The following LINGO2 variants were observed in gnomAD, a reference collection of about 807,000 sequenced individuals.
LINGO2 encodes leucine-rich repeat and immunoglobulin-like domain-containing nogo receptor-interacting protein 2.
A neutral mutation model predicts 30.6 loss-of-function variants in LINGO2; 14 were observed. That is an observed-to-expected ratio of 0.46 (90% CI 0.30 to 0.72). The LOEUF is 0.72. LINGO2 is among the 30% of genes least tolerant of loss of function. LINGO2 has a pLI of 0.07. For missense variants in LINGO2, 729 were observed against 751.7 expected (o/e 0.97, Z 0.35); for synonymous variants, 317 against 288.5 (o/e 1.10, Z -1.00).
chr9:28,418,003 T>C (rs894859126), intron 2 of LINGO2, among the ~76,000 whole-genome samples: 3 of 152,166 alleles, frequency 2.0e-5, no homozygotes, highest in African/African-American at 7.2e-5. Context: ...TTCTTAGACT[T>C]GAAGCACTAA....
At chr9:28,645,938 T>C (rs2135952573) in intron 1 of LINGO2, among the ~76,000 whole-genome samples, 1 of 152,250 alleles carries the variant, frequency 6.6e-6, no homozygotes, top group Non-Finnish European at 1.5e-5. Flanking sequence ...GGTCTCTTAC[T>C]TACTGAGTTT....
chr9:28,807,106 G>C, the LINGO2 span, among the ~76,000 whole-genome samples: 1 of 151,956 alleles, frequency 6.6e-6, no homozygotes, highest in Non-Finnish European at 1.5e-5. Context: ...CTCACTGCAA[G>C]CTCCGCCTCC....
the LINGO2 span, chr9:27,942,984 G>A: frequency 1.3e-5 from 2 of 152,132 alleles, no homozygotes; most frequent in African/African-American, 4.8e-5. Flanking sequence ...TCTATGCAAA[G>A]TTTGTTCATG....
the LINGO2 span, among the ~76,000 whole-genome samples, chr9:28,875,177 T>A: frequency 6.6e-6 from 1 of 152,124 alleles, no homozygotes; most frequent in Non-Finnish European, 1.5e-5. Context: ...TTTGAAAAAC[T>A]TCAAATCTAC....
intron 1 of LINGO2, among the ~76,000 whole-genome samples, chr9:28,516,333 T>G (rs981546166): frequency 6.6e-6 from 1 of 152,226 alleles, no homozygotes; most frequent in South Asian, 2.1e-4. Flanking sequence ...TACTTCACTC[T>G]CTTTACAGAG....
intron 1 of LINGO2, among the ~76,000 whole-genome samples, chr9:28,486,936 A>T (rs1206202423): frequency 6.6e-6 from 1 of 152,038 alleles, no homozygotes; most frequent in Non-Finnish European, 1.5e-5. Flanking sequence ...AAGAGAAAAA[A>T]CATTTAAGAG....
intron 4 of LINGO2, among the ~76,000 whole-genome samples, chr9:28,162,910 G>A (rs1361266927): frequency 2.0e-5 from 3 of 152,122 alleles, no homozygotes; most frequent in Non-Finnish European, 4.4e-5. Context: ...TGAAATGCTT[G>A]AGCAAAGGAG....
chr9:28,162,512 G>A (rs1300088852), intron 4 of LINGO2, among the ~76,000 whole-genome samples: 1 of 152,114 alleles, frequency 6.6e-6, no homozygotes, highest in Admixed American at 6.5e-5. Flanking sequence ...GAATCATATG[G>A]TGTCAAGAGG....
At chr9:29,125,905 T>A in the LINGO2 span, among the ~76,000 whole-genome samples, 7 of 152,248 alleles carry the variant, frequency 4.6e-5, no homozygotes, top group Admixed American at 6.6e-5. Context: ...TACTTATAAC[T>A]AATCAAGCAA....
At chr9:28,748,679 G>C in the LINGO2 span, among the ~76,000 whole-genome samples, 1 of 151,998 alleles carries the variant, frequency 6.6e-6, no homozygotes, top group Non-Finnish European at 1.5e-5. Context: ...GTTTGTTGTT[G>C]TTGTTCTTGT....
intron 1 of LINGO2, among the ~76,000 whole-genome samples, chr9:28,517,255 CCTT>C (rs1424256109): frequency 1.3e-5 from 2 of 152,150 alleles, no homozygotes; most frequent in East Asian, 1.9e-4. Context: ...AGCTGCCACT[CCTT>C]CTAAAAGAGC....
At chr9:28,704,499 T>C in the LINGO2 span, among the ~76,000 whole-genome samples, 14 of 152,176 alleles carry the variant, frequency 9.2e-5, no homozygotes, top group African/African-American at 3.1e-4. Context: ...CTGAGTCATA[T>C]TGCTTCTAAG....
chr9:28,284,071 T>C (rs1823421433), intron 4 of LINGO2, among the ~76,000 whole-genome samples: 1 of 152,164 alleles, frequency 6.6e-6, no homozygotes. Context: ...GGCATGACTC[T>C]GCTTGGCTTT....
At chr9:28,817,393 A>G in the LINGO2 span, among the ~76,000 whole-genome samples, 10 of 152,282 alleles carry the variant, frequency 6.6e-5, no homozygotes, top group South Asian at 1.9e-3. Context: ...AGGTATAGAG[A>G]TGTAACATGT....
At chr9:28,861,157 T>C in the LINGO2 span, among the ~76,000 whole-genome samples, 7 of 78,858 alleles carry the variant, frequency 8.9e-5, no homozygotes, top group Admixed American at 1.6e-4. Context: ...ATTTATATTA[T>C]ATAAATATAT....
intron 5 of LINGO2, among the ~76,000 whole-genome samples, chr9:27,987,879 G>A (rs958733744): frequency 1.3e-5 from 2 of 151,970 alleles, no homozygotes; most frequent in Non-Finnish European, 2.9e-5. Flanking sequence ...TATACGTTAA[G>A]TTCTAGGGTA....
the LINGO2 span, among the ~76,000 whole-genome samples, chr9:28,704,189 GA>G: frequency 6.6e-6 from 1 of 150,712 alleles, no homozygotes; most frequent in African/African-American, 2.5e-5. Flanking sequence ...CTTCACTTTT[GA>G]AGGGTGAATT....
At chr9:28,663,244 C>T (rs902668189) in intron 1 of LINGO2, among the ~76,000 whole-genome samples, 4 of 152,176 alleles carry the variant, frequency 2.6e-5, no homozygotes, top group East Asian at 3.9e-4. Flanking sequence ...CATCTCGGCT[C>T]GCTGCAACCT....
chr9:28,632,869 TATATATATATGTAGAGAGAGAGAG>T (rs1827054427), intron 1 of LINGO2, among the ~76,000 whole-genome samples: 1 of 111,006 alleles, frequency 9.0e-6, no homozygotes, highest in African/African-American at 3.8e-5. Flanking sequence ...TATATATATA[TATATATATATGTAGAGAGAGAGAG>T]AGAGAGAGAG....
Sources: allele counts gnomAD v4.1 joint callset (sites outside exome capture counted in the v4.1 genomes callset), GRCh38; gene constraint gnomAD v4.1.1; transcripts MANE v1.5; gene names NCBI Gene and HGNC (gene_info 2026-07-23, HGNC 2026-07-21).